Variants in FARP1 observed in about 807,000 individuals in gnomAD.
The protein encoded by FARP1 is FERM, ARH/RhoGEF and pleckstrin domain protein 1, also known as FERM, ARHGEF and pleckstrin domain-containing protein 1.
In FARP1, 52 loss-of-function variants were observed where a neutral mutation model predicts 128.8. The ratio of observed to expected loss-of-function variants is 0.40; its 90% CI spans 0.32 to 0.51. FARP1 has a LOEUF of 0.51. Among genes scored for constraint, FARP1 ranks in the 20% least tolerant of loss-of-function variants. The pLI, the probability that FARP1 is intolerant of heterozygous loss-of-function variation, is 0.45. For synonymous variants in FARP1, 580 were observed against 551.8 expected, an observed-to-expected ratio of 1.05 and a Z score of -0.72; for missense variants, 1,333 against 1,367.9, an observed-to-expected ratio of 0.97 and a Z score of 0.40.
intron 2 of FARP1, among the ~76,000 whole-genome samples, chr13:98,248,357 G>C (rs977466231): frequency 2.0e-5 from 3 of 152,194 alleles, no homozygotes; most frequent in African/African-American, 7.2e-5. Context: ...CCTCCTAGCA[G>C]TGATGTGAGC....
At chr13:98,262,923 G>C (rs1883947177) in intron 2 of FARP1, among the ~76,000 whole-genome samples, 1 of 152,154 alleles carries the variant, frequency 6.6e-6, no homozygotes, top group Non-Finnish European at 1.5e-5. Context: ...ATAAAGAGGA[G>C]TTAGCACGTC....
chr13:98,312,847 C>CTT (rs1886538938), intron 2 of FARP1, among the ~76,000 whole-genome samples: 1 of 152,290 alleles, frequency 6.6e-6, no homozygotes, highest in African/African-American at 2.4e-5. Context: ...GGCTCACTGG[C>CTT]TTACCCGAGG....
At chr13:98,214,666 C>T (rs6491404) in intron 2 of FARP1, among the ~76,000 whole-genome samples, 83,087 of 152,068 alleles carry the variant, frequency 0.55, 24,950 homozygotes, top group African/African-American at 0.8. Flanking sequence ...AAACTCAGAA[C>T]AGCTATGCTT....
intron 24 of FARP1, among the ~76,000 whole-genome samples, chr13:98,442,386 C>CT (rs1432754373): frequency 6.6e-6 from 1 of 152,228 alleles, no homozygotes; most frequent in African/African-American, 2.4e-5. Context: ...GAGTTTCCTG[C>CT]TACAAGCCGC....
rs1566334819 is a variant in FARP1, at chr13:98,449,998, G to GACTT, written c.*1682_*1685dup. 6.6e-6 allele frequency: 1 copy of GACTT among 151,720 alleles called. No homozygotes were observed. The highest frequency in any genetic ancestry group is 2.4e-5 in the African/African-American group (1 of 41,262). The allele number at this position is 151,720 out of a possible 1,614,324, so 9.4% of individuals were successfully genotyped here. A position where few individuals can be genotyped will look rare whatever the true frequency, so the allele number is the denominator to read the frequency against. ...AAGTCACCACTCACTCATTCCTGGA[G>GACTT]ACTTGGGGACAAGGCAGTCTCCTCA... On this transcript the variant is annotated 3_prime_UTR_variant, in exon 27 of 27. Coordinates refer to ENST00000319562, the MANE Select transcript of FARP1 (RefSeq NM_005766.4).
chr13:98,167,727 A>T (rs1877372401), intron 1 of FARP1, among the ~76,000 whole-genome samples: 2 of 152,158 alleles, frequency 1.3e-5, no homozygotes, highest in African/African-American at 4.8e-5. Context: ...GTTTTAAAAA[A>T]TCTTATGTTG....
chr13:98,453,460 T>C lies in FARP1; in HGVS notation c.*5143T>C, dbSNP rs1287076798. On this transcript the variant is annotated 3_prime_UTR_variant, in exon 27 of 27. Coordinates refer to ENST00000319562, the MANE Select transcript of FARP1 (RefSeq NM_005766.4). ...AATGGGTTCAGCCTCCCTGGAGAGATGTGAATAAAACGGGAAATCATATCC... is the reference window on the plus strand; with the variant it reads ...AATGGGTTCAGCCTCCCTGGAGAGACGTGAATAAAACGGGAAATCATATCC... 2.0e-6 allele frequency: 1 copy of C among 497,188 alleles called. No individual in the cohort carries two copies. The highest frequency in any genetic ancestry group is 2.0e-5 in the African/African-American group (1 of 50,126). The allele number at this position is 497,188 out of a possible 1,614,324, so 30.8% of individuals were successfully genotyped here.
At chr13:98,365,913 G>GTGTGTGTGTGTGTGTGTGTGTA (rs1239165336) in intron 4 of FARP1, among the ~76,000 whole-genome samples, 118 of 151,782 alleles carry the variant, frequency 7.8e-4, no homozygotes, top group African/African-American at 2.8e-3. Flanking sequence ...GTGTGTGTGT[G>GTGTGTGTGTGTGTGTGTGTGTA]TGTGTTTCTG....
intron 17 of FARP1, among the ~76,000 whole-genome samples, chr13:98,429,419 G>T (rs1489673230): frequency 3.9e-5 from 6 of 152,192 alleles, no homozygotes; most frequent in Admixed American, 1.3e-4. Context: ...ATTGCAGAAA[G>T]TTCATTCAAG....
Position 98,453,402 on chromosome 13 carries a change from C to G in FARP1, c.*5085C>G, listed in dbSNP as rs1024293154. Reference sequence around the variant, plus strand: ...GACTGAGAAGATCATGATTCTTACACAAAAACTCCAGAGCATGTCACCAAA... The same window carrying G: ...GACTGAGAAGATCATGATTCTTACAGAAAAACTCCAGAGCATGTCACCAAA... On this transcript the variant is annotated 3_prime_UTR_variant, in exon 27 of 27. Coordinates refer to ENST00000319562, the MANE Select transcript of FARP1 (RefSeq NM_005766.4). 5.0e-6 allele frequency: 3 copies of G among 599,550 alleles called. No homozygotes were observed. The African/African-American group carries it at 5.7e-5, about 11-fold the overall frequency. 37.1% of individuals were successfully genotyped at this position (599,550 alleles called of 1,614,324 possible). A position where few individuals can be genotyped will look rare whatever the true frequency, so the allele number is the denominator to read the frequency against.
In FARP1 at chr13:98,368,196, G is replaced by T. The variant is rs754346631; in HGVS notation, c.398+1G>T. On this transcript the variant is annotated splice_donor_variant, in intron 5 of 26. Coordinates refer to ENST00000319562, the MANE Select transcript of FARP1 (RefSeq NM_005766.4). LOFTEE classifies it high-confidence loss of function. ...CACAACTCCAAGAAGAACTCACAAG[G>T]TTAGTGGTTTGGAAACTGTGTATTT... 2 of 1,611,840 alleles carry T rather than the reference G, an allele frequency of 1.2e-6. No individual in the cohort carries two copies. Among genetic ancestry groups the T allele is most frequent in the Non-Finnish European group, 1.7e-6 (2 of 1,178,028 alleles).
intron 1 of FARP1, among the ~76,000 whole-genome samples, chr13:98,192,303 A>G (rs567384885): frequency 2.0e-5 from 3 of 152,200 alleles, no homozygotes; most frequent in South Asian, 4.1e-4. Flanking sequence ...ATAAGTGACA[A>G]ATTATGGGTA....
intron 1 of FARP1, among the ~76,000 whole-genome samples, chr13:98,145,485 G>A (rs1446709933): frequency 6.6e-6 from 1 of 152,176 alleles, no homozygotes; most frequent in African/African-American, 2.4e-5. Flanking sequence ...TCCTGGACAA[G>A]TTTCTTACTG....
Position 98,390,875 on chromosome 13 carries a change from T to G in FARP1, c.1083T>G (p.Phe361Leu), listed in dbSNP as rs780679948. ...AAGGAGGACATAAGAAGGTGCAGTTTGAAAGGTAAGAGAAGCTTCAATGCT... is the reference window on the plus strand; with the variant it reads ...AAGGAGGACATAAGAAGGTGCAGTTGGAAAGGTAAGAGAAGCTTCAATGCT... ...VKEGGHKKVQ[F>L]ERKHSKIHSI... The change falls in exon 11 of 27, where the codon TTT becomes TTG. Residue 361 changes from phenylalanine (F) to leucine (L), a missense_variant. Phe to Leu is a conservative substitution (Grantham distance 22). Coordinates refer to ENST00000319562, the MANE Select transcript of FARP1 (RefSeq NM_005766.4). The G allele has an allele frequency of 1.9e-6, 3 of 1,611,706 alleles. No individual in the cohort carries two copies. The Admixed American group carries it at 5.0e-5, about 27-fold the overall frequency.
At chr13:98,307,415 C>T (rs1344598361) in intron 2 of FARP1, among the ~76,000 whole-genome samples, 1 of 152,104 alleles carries the variant, frequency 6.6e-6, no homozygotes, top group South Asian at 2.1e-4. Flanking sequence ...CGGTTTCCCC[C>T]ACCACCCCAG....
chr13:98,332,051 T>C (rs1201862308), intron 2 of FARP1, among the ~76,000 whole-genome samples: 1 of 152,178 alleles, frequency 6.6e-6, no homozygotes, highest in South Asian at 2.1e-4. Context: ...TATGCTTTTT[T>C]CCCCATTTTT....
intron 1 of FARP1, among the ~76,000 whole-genome samples, chr13:98,154,391 CA>C (rs1876350145): frequency 1.3e-5 from 2 of 151,630 alleles, no homozygotes; most frequent in East Asian, 1.9e-4. Context: ...TTTTTTTAAC[CA>C]AAAAAATATA....
intron 16 of FARP1, among the ~76,000 whole-genome samples, chr13:98,414,925 A>G (rs943027897): frequency 2.0e-5 from 3 of 152,240 alleles, no homozygotes; most frequent in Non-Finnish European, 4.4e-5. Context: ...GGGCATACGC[A>G]TCTTCTTAGT....
intron 1 of FARP1, among the ~76,000 whole-genome samples, chr13:98,194,057 A>C (rs929278258): frequency 6.6e-6 from 1 of 152,092 alleles, no homozygotes; most frequent in Non-Finnish European, 1.5e-5. Context: ...TATTGCTGAA[A>C]ATTTGTATAT....
Sources: allele counts gnomAD v4.1 joint callset (sites outside exome capture counted in the v4.1 genomes callset), GRCh38; gene constraint gnomAD v4.1.1; transcripts MANE v1.5; gene names NCBI Gene and HGNC (gene_info 2026-07-23, HGNC 2026-07-21).